PXDN: variants seen among roughly 807,000 people sequenced by gnomAD.
The protein encoded by PXDN is peroxidasin homolog.
A neutral mutation model predicts 140.3 loss-of-function variants in PXDN; 77 were observed. The ratio of observed to expected loss-of-function variants is 0.55; its 90% CI spans 0.46 to 0.66. PXDN has a LOEUF of 0.66. Among genes scored for constraint, PXDN ranks in the 30% least tolerant of loss-of-function variants. PXDN has a pLI of 0.00. For missense variants in PXDN, 1,838 were observed against 2,039.5 expected, an observed-to-expected ratio of 0.90 and a Z score of 1.90; for synonymous variants, 911 against 857.4, an observed-to-expected ratio of 1.06 and a Z score of -1.09.
At position 1,742,210 on chromosome 2, in the gene PXDN, G is replaced by A. The variant is rs114239899; in HGVS notation, c.200+2046C>T. Among the ~76,000 whole-genome samples, 762 of 152,300 alleles carry A rather than the reference G, an allele frequency of 5.0e-3. 6 individuals carry two copies. Among genetic ancestry groups the A allele is most frequent in the South Asian group, 0.034 (163 of 4,826 alleles). The stretch of plus-strand genomic sequence containing the variant: ...CTCTCCCAGAGCTTCTGTTTCCACC[G>A]CCAGAAAATGGGTATGTTCATTTCT... On this transcript the variant is annotated intron_variant, in intron 1 of 22. Transcript: ENST00000252804.
At chr2:1,653,896 T>C in intron 15 of PXDN, 111 bp from the exon 16 acceptor site, 1 of 1,285,350 alleles carries the variant, frequency 7.8e-7, no homozygotes, top group Non-Finnish European at 1.1e-6. Flanking sequence ...GGCTACTTTC[T>C]ACAACATAAT....
rs1433860941 is a variant in PXDN, at chr2:1,638,971, T to A, written c.4081A>T (p.Arg1361Ter). Residue 1361 changes from arginine (R) to a stop codon, truncating the protein, a stop_gained, in exon 21 of 23, where the codon AGA (arginine) becomes TGA (stop). Transcript: ENST00000252804. LOFTEE classifies it high-confidence loss of function. Reference protein sequence around the residue: ...TRPRKIPSVGRQGEHLSNSTS... With the variant: ...TRPRKIPSVG ...CTGTTGCTGAGATGTTCCCCCTGTC[T>A]CCCAACACTGTGGTGAGGGGAAAGG... The A allele has an allele frequency of 6.2e-7, 1 of 1,613,800 alleles. No individual in the cohort carries two copies. Among genetic ancestry groups the A allele is most frequent in the African/African-American group, 1.3e-5 (1 of 74,910 alleles).
intron 1 of PXDN, among the ~76,000 whole-genome samples, chr2:1,712,758 C>T (rs1436978244): frequency 2.0e-5 from 3 of 152,112 alleles, no homozygotes; most frequent in African/African-American, 4.8e-5. Flanking sequence ...GAGTTTTGCT[C>T]TTGTTGCCCA....
In PXDN at chr2:1,666,220, C is replaced by T. The variant is rs760064177; in HGVS notation, c.1285G>A (p.Val429Ile). 2.4e-5 allele frequency: 39 copies of T among 1,613,630 alleles called. No homozygotes were observed. The highest frequency in any genetic ancestry group is 6.7e-5 in the East Asian group (3 of 44,894). Residue 429 changes from valine (V) to isoleucine (I), a missense_variant, in exon 10 of 23, where the codon GTC becomes ATC. Physicochemically the swap from Val to Ile is conservative, Grantham distance 29. Transcript: ENST00000252804. ...ACAGAGGATGGATACCCACCCTGGA[C>T]GATGATGAAAGCGGTGGCATGGACG... ...DSVHATAFII[V>I]QALPQFTVTP...
chr2:1,688,972 C>T (rs998274632), intron 3 of PXDN, among the ~76,000 whole-genome samples: 1 of 152,166 alleles, frequency 6.6e-6, no homozygotes, highest in Admixed American at 6.5e-5. Context: ...GTGGCTCTCA[C>T]GTCCTCCCTC....
At chr2:1,701,607 C>T (rs1226233888) in intron 1 of PXDN, among the ~76,000 whole-genome samples, 5 of 150,684 alleles carry the variant, frequency 3.3e-5, no homozygotes, top group Non-Finnish European at 7.4e-5. Context: ...GTGGGAGGTG[C>T]GGAATGGGGT....
In PXDN at chr2:1,638,930, G is replaced by C; in HGVS notation, c.4122C>G (p.Ser1374Arg). The C allele has an allele frequency of 1.2e-6, 2 of 1,613,990 alleles. No homozygotes were observed. The highest frequency in any genetic ancestry group is 1.7e-6 in the Non-Finnish European group (2 of 1,179,864). ...EHLSNSTSAF[S>R]TRSDASGTND... ...TTGTCCCAGATGCATCTGAGCGTGTGCTGAAGGCTGAGGTGCTGTTGCTGA... is the reference window on the plus strand; with the variant it reads ...TTGTCCCAGATGCATCTGAGCGTGTCCTGAAGGCTGAGGTGCTGTTGCTGA... Residue 1374 changes from serine to arginine, a missense_variant, in exon 21 of 23, where the codon AGC becomes AGG. Coordinates refer to ENST00000252804, the MANE Select transcript of PXDN (RefSeq NM_012293.3).
intron 17 of PXDN, among the ~76,000 whole-genome samples, chr2:1,646,425 G>A (rs1379082440): frequency 6.6e-6 from 1 of 152,032 alleles, no homozygotes; most frequent in East Asian, 1.9e-4. Flanking sequence ...AACAAAGGAG[G>A]ATATTTAAGC....
intron 1 of PXDN, among the ~76,000 whole-genome samples, chr2:1,731,898 G>A (rs1685321683): frequency 6.6e-6 from 1 of 152,176 alleles, no homozygotes; most frequent in Non-Finnish European, 1.5e-5. Flanking sequence ...AAGACAGATG[G>A]AGAACACCAG....
At chr2:1,726,509 G>A (rs1000577869) in intron 1 of PXDN, among the ~76,000 whole-genome samples, 5 of 151,682 alleles carry the variant, frequency 3.3e-5, no homozygotes, top group Non-Finnish European at 7.4e-5. Flanking sequence ...CAGCACACCA[G>A]CATGGCACAT....
chr2:1,654,038 T>G, intron 15 of PXDN: 1 of 514,600 alleles, frequency 1.9e-6, no homozygotes. Context: ...GCATTTCACA[T>G]AAGATGCAGA....
Position 1,680,055 on chromosome 2 carries a change from CGT to C in PXDN, c.730+136_730+137del, listed in dbSNP as rs1051684011. The C allele has an allele frequency of 4.5e-4, 489 of 1,087,792 alleles. 2 individuals carry two copies. The highest frequency in any genetic ancestry group is 1.5e-3 in the East Asian group (55 of 36,946). 67.4% of individuals were successfully genotyped at this position (1,087,792 alleles called of 1,614,324 possible). On this transcript the variant is annotated intron_variant, in intron 7 of 22. Coordinates refer to ENST00000252804, the MANE Select transcript of PXDN (RefSeq NM_012293.3). ...TGCGTGTGTGTGGTTTGTGTCTGCG[CGT>C]GTGTCTATAAATGGTGTGTGTGTAA... is the stretch of plus-strand genomic sequence containing the variant.
Position 1,639,081 on chromosome 2 carries a change from GC to G in PXDN, c.4074-104del, listed in dbSNP as rs74164527. On this transcript the variant is annotated intron_variant, in intron 20 of 22. Coordinates refer to ENST00000252804, the MANE Select transcript of PXDN (RefSeq NM_012293.3). This position sits in a 1 kb window ranked among gnomAD's most constrained non-coding sequence, Gnocchi z 5.0. ...GTGTGCACCGCCCCTGATGCTCTGA[GC>G]TGGGTCTCATTTCAAGGTTTCCTGG... The G allele has an allele frequency of 2.8e-4, 47 of 168,036 alleles. No individual in the cohort carries two copies. The highest frequency in any genetic ancestry group is 6.3e-4 in the South Asian group (1 of 1,582). 10.4% of individuals were successfully genotyped at this position (168,036 alleles called of 1,614,324 possible).
chr2:1,673,609 G>T lies in PXDN; in HGVS notation c.1018+34C>A, dbSNP rs191173703. 4 of 1,590,136 alleles carry T rather than the reference G, an allele frequency of 2.5e-6. No homozygotes were observed. The Admixed American group carries it at 6.8e-5, about 27-fold the overall frequency. ...CAGATAGTGAGGGACGACAATTCTGGATGGAACCCCGGTGTGAAATGCCCG... is the reference window on the plus strand; with the variant it reads ...CAGATAGTGAGGGACGACAATTCTGTATGGAACCCCGGTGTGAAATGCCCG... On this transcript the variant is annotated intron_variant, in intron 9 of 22. Coordinates refer to ENST00000252804, the MANE Select transcript of PXDN (RefSeq NM_012293.3).
At chr2:1,743,693 AG>A (rs1685607590) in intron 1 of PXDN, among the ~76,000 whole-genome samples, 1 of 25,656 alleles carries the variant, frequency 3.9e-5, no homozygotes, top group African/African-American at 1.5e-4. Flanking sequence ...GGGGAGGAGG[AG>A]GAGGAAGGGG....
intron 1 of PXDN, among the ~76,000 whole-genome samples, chr2:1,711,518 CACTCCACCA>C: frequency 6.4e-5 from 9 of 140,528 alleles, no homozygotes; most frequent in Non-Finnish European, 1.1e-4. Context: ...CACCAGCACC[CACTCCACCA>C]GCATCCACTC....
chr2:1,640,751 G>C lies in PXDN; in HGVS notation c.3953-1329C>G, dbSNP rs184355637. On this transcript the variant is annotated intron_variant, in intron 19 of 22. Transcript: ENST00000252804. ...CCCTCCCAGCAACACCTGGGGTCAAGAATGAGCCTCACTGGCAGGTGGGGT... is the reference window on the plus strand; with the variant it reads ...CCCTCCCAGCAACACCTGGGGTCAACAATGAGCCTCACTGGCAGGTGGGGT... Among the ~76,000 whole-genome samples, 9 of 152,316 alleles carry C rather than the reference G, an allele frequency of 5.9e-5. No homozygotes were observed. The East Asian group carries it at 1.7e-3, about 29-fold the overall frequency.
intron 3 of PXDN, among the ~76,000 whole-genome samples, chr2:1,689,434 CAT>C (rs1045513331): frequency 3.3e-5 from 5 of 152,172 alleles, no homozygotes; most frequent in East Asian, 1.9e-4. Flanking sequence ...ATCAAACTAA[CAT>C]GTGTGAATGT....
intron 1 of PXDN, among the ~76,000 whole-genome samples, chr2:1,705,883 A>T (rs953628780): frequency 2.0e-5 from 3 of 152,110 alleles, no homozygotes; most frequent in Non-Finnish European, 4.4e-5. Flanking sequence ...GAGTGTCACC[A>T]GCCCTTTTGG....
Sources: gnomAD v4.1 joint callset for allele counts (sites outside exome capture counted in the v4.1 genomes callset) on GRCh38, gnomAD v4.1.1 for gene constraint, Gnocchi (gnomAD v3.1) non-coding constraint, MANE v1.5 for transcripts, NCBI Gene and HGNC (gene_info 2026-07-23, HGNC 2026-07-21) for gene names.